Variants in OR5M3 observed in about 807,000 individuals in gnomAD.
OR5M3 encodes olfactory receptor family 5 subfamily M member 3, also known as olfactory receptor 5M3.
For missense variants in OR5M3, 384 were observed against 378.6 expected (o/e 1.01, Z -0.12); for synonymous variants, 129 against 131.3 (o/e 0.98, Z 0.12).
rs753401066 is a variant in OR5M3, at chr11:56,469,661, C to G, written c.837G>C (p.Val279=). 1.3e-6 allele frequency: 2 copies of G among 1,579,090 alleles called. No individual in the cohort carries two copies. Among genetic ancestry groups the G allele is most frequent in the Non-Finnish European group, 1.7e-6 (2 of 1,154,682 alleles). The change falls in exon 2 of 2, where the codon GTG becomes GTC. Residue 279 remains valine (V), a synonymous_variant. Transcript: ENST00000641993. ...GKMVAVFYTT[V]IPMLNPMIYS... is the part of the protein sequence containing the mutation. ...AGATCATGGGATTCAACATGGGGAT[C>G]ACTGTGGTATAGAACACAGCCACCA...
chr11:56,471,870 C>A (rs1382513671), intron 1 of OR5M3, among the ~76,000 whole-genome samples: 2 of 151,974 alleles, frequency 1.3e-5, no homozygotes, highest in Admixed American at 6.6e-5. Context: ...TTGTGTCAAA[C>A]CTTCTAATGG....
intron 1 of OR5M3, among the ~76,000 whole-genome samples, chr11:56,471,807 A>G (rs1853670114): frequency 1.3e-5 from 2 of 152,062 alleles, no homozygotes; most frequent in Admixed American, 1.3e-4. Context: ...AATCTATCTA[A>G]TAAGAATCTT....
chr11:56,470,234 T>A lies in OR5M3; in HGVS notation c.264A>T (p.Lys88Asn). 1 of 1,613,838 alleles carries A rather than the reference T, an allele frequency of 6.2e-7. No homozygotes were observed. Among genetic ancestry groups the A allele is most frequent in the South Asian group, 1.1e-5 (1 of 91,060 alleles). ...CTAAACAACCAGCATAAGTAATTGT[T>A]TTTTTATCTGATAACAGGTTTTCCA... The part of the protein sequence containing the change: ...KMLENLLSDK[K>N]TITYAGCLVQ... Residue 88 changes from lysine to asparagine, a missense_variant, in exon 2 of 2, where the codon AAA becomes AAT. By Grantham distance (94) the Lys-to-Asn change is moderately conservative. Transcript: ENST00000641993.
chr11:56,472,823 T>A (rs597102), intron 1 of OR5M3, among the ~76,000 whole-genome samples: 35,018 of 151,462 alleles, frequency 0.23, 4,836 homozygotes, highest in Non-Finnish European at 0.32. Flanking sequence ...CTAGTTAAAG[T>A]GTTCTGTTTC....
intron 1 of OR5M3, among the ~76,000 whole-genome samples, chr11:56,471,922 T>A (rs1057289157): frequency 6.6e-6 from 1 of 152,054 alleles, no homozygotes; most frequent in Non-Finnish European, 1.5e-5. Flanking sequence ...CCCAAGACCC[T>A]TCTTGTAATC....
At position 56,472,090 on chromosome 11, in the gene OR5M3, A is replaced by G. The variant is rs1019478481; in HGVS notation, c.-45+1131T>C. On this transcript the variant is annotated intron_variant, in intron 1 of 1. Transcript: ENST00000641993. ...CATAGTAATAATCCAAAACTTTTCAACCACAAACTTGGAAAGAACATTTTT... is the reference window on the plus strand; with the variant it reads ...CATAGTAATAATCCAAAACTTTTCAGCCACAAACTTGGAAAGAACATTTTT... 2.0e-5 allele frequency among the ~76,000 whole-genome samples: 3 copies of G among 152,048 alleles called. No homozygotes were observed. The South Asian group carries it at 6.2e-4, about 31-fold the overall frequency.
At chr11:56,470,859 C>T (rs190733156) in intron 1 of OR5M3, among the ~76,000 whole-genome samples, 147 of 151,986 alleles carry the variant, frequency 9.7e-4, no homozygotes, top group African/African-American at 3.2e-3. Flanking sequence ...AAGATAATTA[C>T]AATGGATTAT....
Position 56,470,146 on chromosome 11 carries a change from A to C in OR5M3, c.352T>G (p.Phe118Val), listed in dbSNP as rs1229158800. 1.2e-6 allele frequency: 2 copies of C among 1,605,346 alleles called. No individual in the cohort carries two copies. Among genetic ancestry groups the C allele is most frequent in the Non-Finnish European group, 1.7e-6 (2 of 1,171,966 alleles). ...VEIFILAAMAFDRYMAIGNPL... is the reference protein window; with the variant it reads ...VEIFILAAMAVDRYMAIGNPL... ...TTCCCAATTGCCATGTATCTATCAA[A>C]GGCCATCGCAGCAAGAATAAAAATT... is the stretch of plus-strand genomic sequence containing the variant. Residue 118 changes from phenylalanine to valine, a missense_variant, in exon 2 of 2, where the codon TTT (phenylalanine) becomes GTT (valine). By Grantham distance (50) the Phe-to-Val change is conservative. Coordinates refer to ENST00000641993, the MANE Select transcript of OR5M3 (RefSeq NM_001004742.3).
chr11:56,472,185 A>G (rs917016317), intron 1 of OR5M3, among the ~76,000 whole-genome samples: 9 of 152,060 alleles, frequency 5.9e-5, no homozygotes, highest in African/African-American at 2.2e-4. Flanking sequence ...GTTTGGTCTA[A>G]TTAATAAAAA....
rs1853646594 is a variant in OR5M3, at chr11:56,469,936, C to A, written c.562G>T (p.Ala188Ser). ...ADPPLIKMAC[A>S]GTFVKEYTMI... ...GTATATTCTTTTACAAAGGTCCCAG[C>A]ACAGGCCATTTTGATGAGAGGTGGA... The change falls in exon 2 of 2, where the codon GCT (alanine) becomes TCT (serine). Residue 188 changes from alanine (A) to serine (S), a missense_variant. Transcript: ENST00000641993. The A allele has an allele frequency of 6.2e-7, 1 of 1,612,556 alleles. No individual in the cohort carries two copies. Among genetic ancestry groups the A allele is most frequent in the South Asian group, 1.1e-5 (1 of 91,052 alleles).
In OR5M3 at chr11:56,470,520, CAGTTACA is replaced by C. The variant is rs761573306; in HGVS notation, c.-30_-24del. 1.4e-6 allele frequency: 2 copies of C among 1,445,548 alleles called. No homozygotes were observed. The allele number at this position is 1,445,548 out of a possible 1,614,324, so 89.5% of individuals were successfully genotyped here. On this transcript the variant is annotated 5_prime_UTR_variant, in exon 2 of 2. The change abolishes the stop of an existing upstream ORF in the 5' untranslated region. Coordinates refer to ENST00000641993, the MANE Select transcript of OR5M3 (RefSeq NM_001004742.3). ...CATTTTCTGAATTCTAAGTCAATAT[CAGTTACA>C]AAACTTTTTGATAACTAAAATAAAA...
chr11:56,469,328 T>C lies in OR5M3; in HGVS notation c.*246A>G, dbSNP rs1030140217. The stretch of plus-strand genomic sequence containing the variant: ...GTTGCAGCTATTTGAGCAATTTCCC[T>C]TAGTACACCTATGAACTTTGGCACA... On this transcript the variant is annotated 3_prime_UTR_variant, in exon 2 of 2. Transcript: ENST00000641993. 3.2e-6 allele frequency: 1 copy of C among 312,396 alleles called. No individual in the cohort carries two copies. Among genetic ancestry groups the C allele is most frequent in the East Asian group, 5.1e-5 (1 of 19,656 alleles). 19.4% of individuals were successfully genotyped at this position (312,396 alleles called of 1,614,324 possible).
At position 56,470,320 on chromosome 11, in the gene OR5M3, A is replaced by G. The variant is rs759028831; in HGVS notation, c.178T>C (p.Phe60Leu). Residue 60 changes from phenylalanine (F) to leucine (L), a missense_variant, in exon 2 of 2, where the codon TTC becomes CTC. Transcript: ENST00000641993. ...SPQLNNPMYF[F>L]LSHLSFVDVW... ...TCAACAAATGACAAGTGACTGAGGAAAAAGTACATGGGGTTGTTAAGCTGA... is the reference window on the plus strand; with the variant it reads ...TCAACAAATGACAAGTGACTGAGGAGAAAGTACATGGGGTTGTTAAGCTGA... 1.2e-6 allele frequency: 2 copies of G among 1,613,798 alleles called. No homozygotes were observed. The highest frequency in any genetic ancestry group is 3.3e-5 in the Admixed American group (2 of 59,966).
chr11:56,470,870 A>G (rs548006746), intron 1 of OR5M3, among the ~76,000 whole-genome samples: 6 of 152,224 alleles, frequency 3.9e-5, no homozygotes, highest in African/African-American at 1.4e-4. Context: ...AATGGATTAT[A>G]GTTATTTTCG....
At chr11:56,471,858 G>A (rs535634853) in intron 1 of OR5M3, among the ~76,000 whole-genome samples, 51 of 152,062 alleles carry the variant, frequency 3.4e-4, no homozygotes, top group Middle Eastern at 3.4e-3. Context: ...TTGGAGATGC[G>A]ATTGTGTCAA....
chr11:56,472,541 TA>T (rs561295547), intron 1 of OR5M3, among the ~76,000 whole-genome samples: 103 of 152,136 alleles, frequency 6.8e-4, no homozygotes, highest in African/African-American at 2.3e-3. Context: ...CCCCTCAAGC[TA>T]AATACCAAGA....
rs191927397 is a variant in OR5M3 at position 56,471,687 on chromosome 11, G to T, written c.-44-1146C>A. On this transcript the variant is annotated intron_variant, in intron 1 of 1. Coordinates refer to ENST00000641993, the MANE Select transcript of OR5M3 (RefSeq NM_001004742.3). Reference sequence around the variant, plus strand: ...TATGTATATATATACACACACATATGTATATAAACATACATAAAGCTTATG... The same window carrying T: ...TATGTATATATATACACACACATATTTATATAAACATACATAAAGCTTATG... Among the ~76,000 whole-genome samples, 27 of 151,826 alleles carry T rather than the reference G, an allele frequency of 1.8e-4. No homozygotes were observed. The South Asian group carries it at 5.6e-3, about 31-fold the overall frequency.
chr11:56,472,949 T>C (rs1190337446), intron 1 of OR5M3, among the ~76,000 whole-genome samples: 1 of 152,126 alleles, frequency 6.6e-6, no homozygotes, highest in African/African-American at 2.4e-5. Flanking sequence ...GACTTAATGA[T>C]AATATCCATT....
chr11:56,472,643 T>A (rs887769498), intron 1 of OR5M3, among the ~76,000 whole-genome samples: 16 of 152,160 alleles, frequency 1.1e-4, no homozygotes, highest in African/African-American at 3.9e-4. Context: ...GTGCGAAGTG[T>A]ACAAAGAAAT....
Sources: gnomAD v4.1 joint callset for allele counts (sites outside exome capture counted in the v4.1 genomes callset) on GRCh38, gnomAD v4.1.1 for gene constraint, MANE v1.5 for transcripts, NCBI Gene and HGNC (gene_info 2026-07-23, HGNC 2026-07-21) for gene names.